The following TRIM43 variants were observed in gnomAD, a reference collection of about 807,000 sequenced individuals.
TRIM43 encodes the protein tripartite motif containing 43, also known as tripartite motif-containing protein 43.
Under a neutral mutation model 27.7 loss-of-function variants are expected in TRIM43, and 12 were observed. The ratio of observed to expected loss-of-function variants is 0.43; its 90% CI spans 0.28 to 0.70. The LOEUF (loss-of-function observed/expected upper bound fraction) is 0.70. TRIM43 is among the 30% of genes least tolerant of loss of function. TRIM43 has a pLI of 0.17. For missense variants in TRIM43, 186 were observed against 356.5 expected (o/e 0.52, Z 3.85); for synonymous variants, 64 against 121.9 (o/e 0.52, Z 3.13).
intron 1 of TRIM43, among the ~76,000 whole-genome samples, chr2:95,592,374 T>A (rs1265169676): frequency 2.0e-5 from 3 of 151,614 alleles, no homozygotes; most frequent in Admixed American, 6.6e-5. Context: ...TATTTATTTG[T>A]TTATTTATTT....
Position 95,592,670 on chromosome 2 carries a change from CT to C in TRIM43, c.-5+531del, listed in dbSNP as rs1047424060. 1.8e-4 allele frequency among the ~76,000 whole-genome samples: 26 copies of C among 147,592 alleles called. No homozygotes were observed. The South Asian group carries it at 1.9e-3, about 11-fold the overall frequency. ...ACAGGCCTGAGCCACCGCGCCCGGCCTTTTTTTTTTAAATTTATATAAGTAT... is the reference window on the plus strand; with the variant it reads ...ACAGGCCTGAGCCACCGCGCCCGGCCTTTTTTTTTAAATTTATATAAGTAT... On this transcript the variant is annotated intron_variant, in intron 1 of 6. Transcript: ENST00000272395.
rs765253843 is a variant in TRIM43 at position 95,596,220 on chromosome 2, G to A, written c.526G>A (p.Ala176Thr). Residue 176 changes from alanine (A) to threonine (T), a missense_variant, in exon 4 of 7, where the codon GCA (alanine) becomes ACA (threonine). Transcript: ENST00000272395. The part of the protein sequence containing the change: ...FLWRGNVVLR[A>T]QMIRNEYRKL... ...CCTACAGGGCAATGTGGTTTTACGG[G>A]CACAGATGATCAGGAATGAGTATAG... 1 of 1,610,312 alleles carries A rather than the reference G, an allele frequency of 6.2e-7. No individual in the cohort carries two copies. Among genetic ancestry groups the A allele is most frequent in the Non-Finnish European group, 8.5e-7 (1 of 1,178,592 alleles).
chr2:95,593,741 G>A (rs529431495), intron 1 of TRIM43, among the ~76,000 whole-genome samples: 1 of 151,852 alleles, frequency 6.6e-6, no homozygotes, highest in East Asian at 1.9e-4. Context: ...AAGCAATTTG[G>A]TGGATACTAA....
chr2:95,593,051 C>T (rs1685285117), intron 1 of TRIM43, among the ~76,000 whole-genome samples: 1 of 151,704 alleles, frequency 6.6e-6, no homozygotes, highest in African/African-American at 2.4e-5. Flanking sequence ...CGTCCTCCAC[C>T]ACTCCCGGCT....
Position 95,594,046 on chromosome 2 carries a change from C to A in TRIM43, c.23C>A (p.Ala8Asp). MDSDFSH[A>D]FQKELTCVIC... ...AAAATGGACTCAGACTTCTCACATG[C>A]CTTCCAGAAGGAACTCACCTGCGTC... Residue 8 changes from alanine (A) to aspartate (D), a missense_variant, in exon 2 of 7, where the codon GCC becomes GAC. Physicochemically the swap from Ala to Asp is moderately radical, Grantham distance 126 (BLOSUM62 -2). Around this residue, in one of 6 missense-constraint regions of TRIM43, gnomAD observed 41 missense variants for 46.1 expected, o/e 0.89. Coordinates refer to ENST00000272395, the MANE Select transcript of TRIM43 (RefSeq NM_138800.3). 6.2e-7 allele frequency: 1 copy of A among 1,612,976 alleles called. No individual in the cohort carries two copies. The highest frequency in any genetic ancestry group is 8.5e-7 in the Non-Finnish European group (1 of 1,179,624).
chr2:95,594,563 G>T, intron 2 of TRIM43, 129 bp downstream of exon 2: 1 of 1,252,834 alleles, frequency 8.0e-7, no homozygotes, highest in Non-Finnish European at 1.1e-6. Context: ...AGGTACCAAT[G>T]ATGACATTTT....
In TRIM43 at chr2:95,594,139, T is replaced by A. The variant is rs1447401935; in HGVS notation, c.116T>A (p.Leu39His). Residue 39 changes from leucine (L) to histidine (H), a missense_variant, in exon 2 of 7, where the codon CTC becomes CAC. Coordinates refer to ENST00000272395, the MANE Select transcript of TRIM43 (RefSeq NM_138800.3). ...GGGCACAGCTTCTGTAGGCCCTGTC[T>A]CTGCCTTTCGTGGGAGGAAGCCCAA... is the stretch of plus-strand genomic sequence containing the variant. ...CCGHSFCRPC[L>H]CLSWEEAQSP... 1.9e-6 allele frequency: 3 copies of A among 1,612,594 alleles called. No individual in the cohort carries two copies. Among genetic ancestry groups the A allele is most frequent in the Non-Finnish European group, 2.5e-6 (3 of 1,179,570 alleles).
intron 3 of TRIM43, 102 bp from the exon 4 acceptor site, chr2:95,596,100 A>T (rs972010464): frequency 7.3e-6 from 10 of 1,377,740 alleles, no homozygotes; most frequent in Admixed American, 2.1e-5. Flanking sequence ...CCTGTTTGTA[A>T]AGGATGGAAA....
rs377673576 is a variant in TRIM43, at chr2:95,594,386, C to T, written c.363C>T (p.His121=). The stretch of plus-strand genomic sequence containing the variant: ...TGCTGTGCTCCAACTCTCAGGAGCA[C>T]GGGGCTCACAAACACCATCCCATCG... The part of the protein sequence containing the change: ...LCLLCSNSQE[H]GAHKHHPIEE... Residue 121 remains histidine, a synonymous_variant, in exon 2 of 7, where the codon CAC becomes CAT. Coordinates refer to ENST00000272395, the MANE Select transcript of TRIM43 (RefSeq NM_138800.3). 7 of 1,610,804 alleles carry T rather than the reference C, an allele frequency of 4.3e-6. No individual in the cohort carries two copies. In the African/African-American group the frequency reaches 6.7e-5, roughly 15 times the overall value.
At chr2:95,596,530 G>T (rs1231984344) in intron 4 of TRIM43, 98 bp downstream of exon 4, 2 of 1,473,306 alleles carry the variant, frequency 1.4e-6, no homozygotes, top group East Asian at 4.9e-5. Flanking sequence ...CTCATCTCCT[G>T]TACTGACGGT....
chr2:95,594,867 G>C (rs200756826), intron 2 of TRIM43, among the ~76,000 whole-genome samples, 183 bp from the exon 3 acceptor site: 1 of 151,524 alleles, frequency 6.6e-6, no homozygotes, highest in African/African-American at 2.4e-5. Flanking sequence ...AGTTCCCTAA[G>C]CTGTTCTACA....
chr2:95,593,789 TAG>T (rs1299366398), intron 1 of TRIM43, among the ~76,000 whole-genome samples: 3 of 151,836 alleles, frequency 2.0e-5, no homozygotes, highest in East Asian at 1.9e-4. Context: ...TGCAAGAAAG[TAG>T]AGTTTGGAAA....
At chr2:95,593,946 T>C in intron 1 of TRIM43, 74 bp from the exon 2 acceptor site, 1 of 1,546,678 alleles carries the variant, frequency 6.5e-7, no homozygotes, top group Non-Finnish European at 8.7e-7. Context: ...TCGATCACGA[T>C]CTGATTCAAA....
At chr2:95,592,547 TTTTTTAGTA>T (rs1224761310) in intron 1 of TRIM43, among the ~76,000 whole-genome samples, 1 of 151,516 alleles carries the variant, frequency 6.6e-6, no homozygotes, top group Non-Finnish European at 1.5e-5. Context: ...TTTTGTATTT[TTTTTTAGTA>T]GAGACGGGAT....
At chr2:95,595,481 G>C (rs1685339937) in intron 3 of TRIM43, among the ~76,000 whole-genome samples, 1 of 151,542 alleles carries the variant, frequency 6.6e-6, no homozygotes, top group African/African-American at 2.4e-5. Flanking sequence ...ATATGATATT[G>C]TCCAGGGGGA....
At chr2:95,593,094 T>A (rs2104456926) in intron 1 of TRIM43, among the ~76,000 whole-genome samples, 1 of 151,742 alleles carries the variant, frequency 6.6e-6, no homozygotes, top group South Asian at 2.1e-4. Flanking sequence ...AGTTAGGGAT[T>A]CACCATGTTA....
In TRIM43 at chr2:95,593,010, C is replaced by G. The variant is rs1464240026; in HGVS notation, c.-5+861C>G. Among the ~76,000 whole-genome samples the G allele has an allele frequency of 2.1e-3, 315 of 150,146 alleles. 5 individuals carry two copies. The highest frequency in any genetic ancestry group is 6.9e-3 in the African/African-American group (284 of 41,084). On this transcript the variant is annotated intron_variant, in intron 1 of 6. Transcript: ENST00000272395. ...CTGCCGGGTTCACGCCATTCTCCAG[C>G]CTCCGCCTCCAGAGTAGCTGGGACT...
intron 3 of TRIM43, 91 bp from the exon 4 acceptor site, chr2:95,596,111 A>G: frequency 6.7e-7 from 1 of 1,498,028 alleles, no homozygotes; most frequent in Non-Finnish European, 9.1e-7. Context: ...AGGATGGAAA[A>G]TAAAAGAAGG....
At chr2:95,595,660 T>C (rs940657448) in intron 3 of TRIM43, among the ~76,000 whole-genome samples, 1 of 150,644 alleles carries the variant, frequency 6.6e-6, no homozygotes, top group East Asian at 1.9e-4. Context: ...TATGTCATTA[T>C]TGAGAGGAGA....
Sources: allele counts gnomAD v4.1 joint callset (sites outside exome capture counted in the v4.1 genomes callset), GRCh38; gene constraint gnomAD v4.1.1; regional missense constraint gnomAD v4.1.1; transcripts MANE v1.5; gene names NCBI Gene and HGNC (gene_info 2026-07-23, HGNC 2026-07-21).